The following ALMS1 variants were observed in gnomAD, a reference collection of about 807,000 sequenced individuals.
ALMS1 encodes the protein centrosome-associated protein ALMS1.
ALMS1 carries 271 observed loss-of-function variants against 352.2 expected under a neutral mutation model. That is an observed-to-expected ratio of 0.77 (90% CI 0.70 to 0.85). The LOEUF is 0.85. ALMS1 is among the 40% of genes least tolerant of loss of function. ALMS1 has a pLI of 0.00. For synonymous variants in ALMS1, 1,865 were observed against 1,761.2 expected, an observed-to-expected ratio of 1.06 and a Z score of -1.48; for missense variants, 5,445 against 4,870.7, an observed-to-expected ratio of 1.12 and a Z score of -3.51.
At chr2:73,418,472 C>A (rs997591112) in intron 2 of ALMS1, among the ~76,000 whole-genome samples, 7 of 152,220 alleles carry the variant, frequency 4.6e-5, no homozygotes, top group Non-Finnish European at 7.4e-5. Flanking sequence ...TTTGGCCCCT[C>A]TAGCATCGCC....
In ALMS1 at chr2:73,386,102, C is replaced by T. The variant is rs368947491; in HGVS notation, c.234C>T (p.Ala78=). The change falls in exon 1 of 23, where the codon GCC becomes GCT. Residue 78 remains alanine, a synonymous_variant. Coordinates refer to ENST00000613296, the MANE Select transcript of ALMS1 (RefSeq NM_001378454.1). ...ACGAGGAGGACGAGGAGGCCAAGGC[C>T]TGGCTGCAGGCGCACCCCGGCAGGA... ...IDDEEDEEAK[A]WLQAHPGRIL... is the part of the protein sequence containing the mutation. 24 of 1,592,998 alleles carry T rather than the reference C, an allele frequency of 1.5e-5. No homozygotes were observed. In the East Asian group the frequency reaches 5.3e-4, roughly 35 times the overall value.
chr2:73,430,633 G>A (rs975868923), intron 6 of ALMS1, among the ~76,000 whole-genome samples: 2 of 152,068 alleles, frequency 1.3e-5, no homozygotes, highest in Non-Finnish European at 2.9e-5. Context: ...TATTTTTACT[G>A]TACCTTTCCT....
Position 73,448,341 on chromosome 2 carries a change from C to A in ALMS1, c.1814C>A (p.Pro605His). ...GAGGCTTTGAAAGTTTCAGCTGCTCCTGGACTAGCTGACCAGACAACTGGC... is the reference window on the plus strand; with the variant it reads ...GAGGCTTTGAAAGTTTCAGCTGCTCATGGACTAGCTGACCAGACAACTGGC... ...TEEALKVSAA[P>H]GLADQTTGMS... The change falls in exon 8 of 23, where the codon CCT (proline) becomes CAT (histidine). Residue 605 changes from proline to histidine, a missense_variant. Transcript: ENST00000613296. The A allele has an allele frequency of 6.2e-7, 1 of 1,614,050 alleles. No homozygotes were observed. Among genetic ancestry groups the A allele is most frequent in the South Asian group, 1.1e-5 (1 of 91,086 alleles).
chr2:73,608,552 T>C lies in ALMS1; in HGVS notation c.12440T>C (p.Leu4147Pro). The change falls in exon 22 of 23, where the codon CTG becomes CCG. Residue 4147 changes from leucine to proline, a missense_variant. By Grantham distance (98) the Leu-to-Pro change is moderately conservative. Transcript: ENST00000613296. ...AAATCAGAATATAAGTCATACCGGC[T>C]GCGAGCCCAGCTATATAAAAAGGTC... ...KRKSEYKSYR[L>P]RAQLYKKRVT... The C allele has an allele frequency of 6.2e-7, 1 of 1,614,062 alleles. No individual in the cohort carries two copies. The highest frequency in any genetic ancestry group is 8.5e-7 in the Non-Finnish European group (1 of 1,179,956).
chr2:73,478,454 T>A (rs919777666), intron 9 of ALMS1, among the ~76,000 whole-genome samples: 1 of 152,114 alleles, frequency 6.6e-6, no homozygotes, highest in African/African-American at 2.4e-5. Flanking sequence ...TGAGTATAAA[T>A]CTACTCATGC....
At chr2:73,525,126 T>G (rs551909505) in intron 11 of ALMS1, among the ~76,000 whole-genome samples, 1 of 152,340 alleles carries the variant, frequency 6.6e-6, no homozygotes, top group South Asian at 2.1e-4. Flanking sequence ...CCTTTGTGTA[T>G]ATGTACTACA....
chr2:73,590,178 C>T (rs931273836), intron 16 of ALMS1, among the ~76,000 whole-genome samples: 2 of 151,794 alleles, frequency 1.3e-5, no homozygotes, highest in South Asian at 2.1e-4. Context: ...GTTCATTCAT[C>T]CAAACATAAT....
intron 11 of ALMS1, among the ~76,000 whole-genome samples, chr2:73,526,961 T>C (rs575494161): frequency 6.6e-6 from 1 of 152,322 alleles, no homozygotes; most frequent in African/African-American, 2.4e-5. Context: ...ACCTAGTTTT[T>C]TCAGGGTTTT....
At chr2:73,519,080 A>G (rs979729433) in intron 10 of ALMS1, among the ~76,000 whole-genome samples, 2 of 152,192 alleles carry the variant, frequency 1.3e-5, no homozygotes, top group African/African-American at 2.4e-5. Flanking sequence ...CACTTGGATA[A>G]GGCAGTGCTT....
At chr2:73,599,777 A>G (rs538092972) in intron 17 of ALMS1, among the ~76,000 whole-genome samples, 2 of 152,354 alleles carry the variant, frequency 1.3e-5, no homozygotes, top group East Asian at 1.9e-4. Context: ...GAAAGTTCCT[A>G]TCAAAATTAC....
At chr2:73,403,105 CCAAGA>C (rs1670903770) in intron 1 of ALMS1, among the ~76,000 whole-genome samples, 1 of 152,090 alleles carries the variant, frequency 6.6e-6, no homozygotes, top group Non-Finnish European at 1.5e-5. Flanking sequence ...AACAACATTG[CCAAGA>C]CAAGTGTCAA....
intron 9 of ALMS1, among the ~76,000 whole-genome samples, chr2:73,484,783 C>CT (rs1449221448): frequency 6.6e-6 from 1 of 152,038 alleles, no homozygotes; most frequent in Non-Finnish European, 1.5e-5. Context: ...TCTTTTTATT[C>CT]TTTTTTCTCT....
At chr2:73,398,946 C>T (rs571796116) in intron 1 of ALMS1, among the ~76,000 whole-genome samples, 33 of 152,160 alleles carry the variant, frequency 2.2e-4, no homozygotes, top group South Asian at 6.2e-4. Context: ...CGGGTTCAAG[C>T]GATTCTCCTG....
At chr2:73,442,866 T>G (rs1360727391) in intron 7 of ALMS1, among the ~76,000 whole-genome samples, 3 of 152,210 alleles carry the variant, frequency 2.0e-5, no homozygotes, top group Admixed American at 6.5e-5. Flanking sequence ...ATGTCTTCAT[T>G]TGGATGTCCC....
intron 1 of ALMS1, among the ~76,000 whole-genome samples, chr2:73,387,202 A>C (rs1028268110): frequency 6.6e-5 from 10 of 152,150 alleles, no homozygotes; most frequent in Admixed American, 6.5e-4. Context: ...GGGGGTACTT[A>C]ATTCATTGAA....
rs750109699 is a variant in ALMS1 at position 73,449,036 on chromosome 2, G to A, written c.2509G>A (p.Val837Ile). The A allele has an allele frequency of 6.2e-7, 1 of 1,614,100 alleles. No homozygotes were observed. The highest frequency in any genetic ancestry group is 1.1e-5 in the South Asian group (1 of 91,086). Residue 837 changes from valine to isoleucine, a missense_variant, in exon 8 of 23, where the codon GTT becomes ATT. Val to Ile is a conservative substitution (Grantham distance 29). Transcript: ENST00000613296. Reference protein sequence around the residue: ...DSHLPEEALKVSAVSGPADGK... With the variant: ...DSHLPEEALKISAVSGPADGK... ...CCATCTACCCGAAGAGGCTCTGAAA[G>A]TTTCAGCTGTTTCTGGACCAGCTGA... is the stretch of plus-strand genomic sequence containing the variant.
chr2:73,530,117 A>G (rs913799260), intron 11 of ALMS1, among the ~76,000 whole-genome samples: 20 of 152,128 alleles, frequency 1.3e-4, no homozygotes, highest in Admixed American at 1.1e-3. Context: ...AAAACCAATC[A>G]TGCCTTCCCA....
intron 12 of ALMS1, among the ~76,000 whole-genome samples, chr2:73,538,048 T>A (rs1426963469): frequency 6.6e-6 from 1 of 151,508 alleles, no homozygotes; most frequent in Non-Finnish European, 1.5e-5. Context: ...AAAAGAAAAA[T>A]ATATATGGGA....
Position 73,599,538 on chromosome 2 carries a change from A to G in ALMS1, c.11668+17A>G, listed in dbSNP as rs201109126. ...TACAAGCAGGTAATTACTTGAATCT[A>G]AACTTTTTCATTGAAATACATTGAA... On this transcript the variant is annotated intron_variant, in intron 17 of 22. Coordinates refer to ENST00000613296, the MANE Select transcript of ALMS1 (RefSeq NM_001378454.1). 6.2e-6 allele frequency: 10 copies of G among 1,611,970 alleles called. No individual in the cohort carries two copies. Among genetic ancestry groups the G allele is most frequent in the Admixed American group, 1.7e-5 (1 of 60,018 alleles).
Sources: gnomAD v4.1 joint callset for allele counts (sites outside exome capture counted in the v4.1 genomes callset) on GRCh38, gnomAD v4.1.1 for gene constraint, MANE v1.5 for transcripts, NCBI Gene and HGNC (gene_info 2026-07-23, HGNC 2026-07-21) for gene names.